The following STRN3 variants were observed in gnomAD, a reference collection of about 807,000 sequenced individuals.
STRN3 encodes striatin 3.
Under a neutral mutation model 95.6 loss-of-function variants are expected in STRN3, and 29 were observed. That is an observed-to-expected ratio of 0.30 (90% CI 0.23 to 0.41). The LOEUF is 0.41. STRN3 is among the 10% of genes least tolerant of loss of function. The pLI, the probability that STRN3 is intolerant of heterozygous loss-of-function variation, is 1.00. For synonymous variants in STRN3, 331 were observed against 357.6 expected (o/e 0.93, Z 0.84); for missense variants, 890 against 972.1 (o/e 0.92, Z 1.12).
chr14:30,987,902 T>A (rs1039783146), intron 1 of STRN3, among the ~76,000 whole-genome samples: 5 of 152,072 alleles, frequency 3.3e-5, no homozygotes, highest in Non-Finnish European at 7.4e-5. Context: ...CATGCCCAGC[T>A]AATTTTTGTA....
At chr14:30,958,141 T>C (rs1880012071) in intron 1 of STRN3, among the ~76,000 whole-genome samples, 2 of 152,138 alleles carry the variant, frequency 1.3e-5, no homozygotes, top group South Asian at 4.1e-4. Context: ...AGCGAGACCC[T>C]GTTTGTACCA....
chr14:30,982,397 TC>T (rs1881455438), intron 1 of STRN3, among the ~76,000 whole-genome samples: 1 of 152,116 alleles, frequency 6.6e-6, no homozygotes, highest in South Asian at 2.1e-4. Context: ...AACCTCCGCA[TC>T]CCGGGTTCAA....
chr14:30,910,974 A>C, intron 13 of STRN3, 67 bp downstream of exon 13: 1 of 1,543,274 alleles, frequency 6.5e-7, no homozygotes, highest in Non-Finnish European at 8.8e-7. Context: ...TTGTAATCAT[A>C]TTTGAGGTAT....
intron 15 of STRN3, 64 bp from the exon 16 acceptor site, chr14:30,902,707 CTTT>C (rs1896358238): frequency 9.6e-7 from 1 of 1,040,894 alleles, no homozygotes; most frequent in Non-Finnish European, 1.4e-6. Context: ...GGATAATGGC[CTTT>C]TTAATCGTGC....
chr14:31,016,647 G>T (rs1214168425), intron 1 of STRN3, among the ~76,000 whole-genome samples: 1 of 152,044 alleles, frequency 6.6e-6, no homozygotes. Context: ...GGGTTAAAGC[G>T]ATTCTCCTGC....
chr14:30,940,734 T>C (rs1879052316), intron 5 of STRN3, among the ~76,000 whole-genome samples: 1 of 152,188 alleles, frequency 6.6e-6, no homozygotes, highest in Non-Finnish European at 1.5e-5. Flanking sequence ...AGAGTTTTCT[T>C]GTATTACTGT....
intron 10 of STRN3, 131 bp from the exon 11 acceptor site, chr14:30,912,313 T>C: frequency 1.3e-6 from 1 of 767,808 alleles, no homozygotes; most frequent in Non-Finnish European, 1.9e-6. Flanking sequence ...CCAGTGGAAA[T>C]TTAATGTACC....
At chr14:31,019,263 C>T (rs1053276235) in intron 1 of STRN3, among the ~76,000 whole-genome samples, 1 of 152,186 alleles carries the variant, frequency 6.6e-6, no homozygotes, top group Middle Eastern at 3.4e-3. Flanking sequence ...GAGCTACGAT[C>T]GCACCACTGC....
intron 1 of STRN3, among the ~76,000 whole-genome samples, chr14:30,996,054 T>G (rs901518933): frequency 6.6e-6 from 1 of 152,196 alleles, no homozygotes; most frequent in Admixed American, 6.5e-5. Flanking sequence ...GTGAGCTTTT[T>G]GTTGTAGCCT....
intron 3 of STRN3, among the ~76,000 whole-genome samples, chr14:30,951,999 T>A (rs1345494184): frequency 6.6e-6 from 1 of 151,958 alleles, no homozygotes; most frequent in Non-Finnish European, 1.5e-5. Flanking sequence ...ATGCCTGTAA[T>A]CCCAGCTACT....
chr14:31,018,020 G>T (rs7151175), intron 1 of STRN3, among the ~76,000 whole-genome samples: 1 of 150,012 alleles, frequency 6.7e-6, no homozygotes, highest in East Asian at 2.0e-4. Context: ...GGAGGTTACA[G>T]TGAGCCGGGA....
intron 5 of STRN3, among the ~76,000 whole-genome samples, chr14:30,944,480 C>T (rs1426794329): frequency 6.8e-6 from 1 of 147,360 alleles, no homozygotes; most frequent in Non-Finnish European, 1.5e-5. Flanking sequence ...TGTATATATA[C>T]ATAATATATA....
At chr14:31,020,993 C>A (rs1351845088) in intron 1 of STRN3, among the ~76,000 whole-genome samples, 1 of 152,038 alleles carries the variant, frequency 6.6e-6, no homozygotes, top group Non-Finnish European at 1.5e-5. Context: ...GGATCTAGCA[C>A]AAAATCGCAC....
Position 30,937,632 on chromosome 14 carries a change from CAA to C in STRN3, c.717-1010_717-1009del, listed in dbSNP as rs1373526792. Among the ~76,000 whole-genome samples the C allele has an allele frequency of 2.6e-5, 4 of 152,244 alleles. No individual in the cohort carries two copies. In the East Asian group the frequency reaches 7.7e-4, roughly 29 times the overall value. ...CAAAACAGTAGAAAATTCAGCTGAA[CAA>C]AGACTTTCACCATGAAAATTCTCTG... On this transcript the variant is annotated intron_variant, in intron 5 of 17. Transcript: ENST00000357479.
chr14:30,912,579 A>G (rs1264739196), intron 10 of STRN3, among the ~76,000 whole-genome samples: 1 of 152,186 alleles, frequency 6.6e-6, no homozygotes, highest in African/African-American at 2.4e-5. Flanking sequence ...CATTTAGAAA[A>G]CGTATTAGCA....
At chr14:30,908,308 C>T (rs1243279011) in intron 13 of STRN3, among the ~76,000 whole-genome samples, 3 of 152,230 alleles carry the variant, frequency 2.0e-5, no homozygotes, top group Non-Finnish European at 1.5e-5. Flanking sequence ...CCTGTTTACT[C>T]TTCAAATCAC....
At chr14:30,944,350 C>T (rs1287734255) in intron 5 of STRN3, among the ~76,000 whole-genome samples, 1 of 151,636 alleles carries the variant, frequency 6.6e-6, no homozygotes, top group Non-Finnish European at 1.5e-5. Flanking sequence ...AAAATAAGGG[C>T]TCTATCTGAT....
chr14:30,922,667 C>T (rs921244492), intron 8 of STRN3, among the ~76,000 whole-genome samples: 3 of 152,028 alleles, frequency 2.0e-5, no homozygotes, highest in South Asian at 2.1e-4. Context: ...GGAAAAGATA[C>T]GCTTATTTTA....
intron 10 of STRN3, 144 bp from the exon 11 acceptor site, chr14:30,912,326 T>A: frequency 1.6e-6 from 1 of 625,352 alleles, no homozygotes; most frequent in Non-Finnish European, 2.5e-6. Flanking sequence ...AATGTACCTT[T>A]AAAACTTTCT....
Sources: allele counts gnomAD v4.1 joint callset (sites outside exome capture counted in the v4.1 genomes callset), GRCh38; gene constraint gnomAD v4.1.1; transcripts MANE v1.5; gene names NCBI Gene and HGNC (gene_info 2026-07-23, HGNC 2026-07-21).